The following GRID2 variants were observed in gnomAD, a reference collection of about 807,000 sequenced individuals.
The protein encoded by GRID2 is glutamate receptor ionotropic, delta-2.
Under a neutral mutation model 114.8 loss-of-function variants are expected in GRID2, and 33 were observed. The observed-to-expected ratio is 0.29, with a 90% confidence interval of 0.22 to 0.38. The LOEUF is 0.38. Ranked by LOEUF, GRID2 falls within the 10% of genes least tolerant of loss-of-function variation. The probability of loss-of-function intolerance (pLI) is 1.00; values close to 1 mark genes in which losing one functional copy is unlikely to be tolerated. For synonymous variants in GRID2, 505 were observed against 449.9 expected, an observed-to-expected ratio of 1.12 and a Z score of -1.55; for missense variants, 1,184 against 1,257.7, an observed-to-expected ratio of 0.94 and a Z score of 0.89.
chr4:93,468,238 G>C (rs1488058627), intron 11 of GRID2, among the ~76,000 whole-genome samples: 1 of 152,116 alleles, frequency 6.6e-6, no homozygotes, highest in Non-Finnish European at 1.5e-5. Context: ...TCATTCAACA[G>C]TTAGTGTATG....
chr4:92,669,380 T>G (rs1732941679), intron 2 of GRID2, among the ~76,000 whole-genome samples: 1 of 151,940 alleles, frequency 6.6e-6, no homozygotes, highest in Non-Finnish European at 1.5e-5. Context: ...TATAAAATTC[T>G]GTCAGCGTGG....
At chr4:93,103,542 T>C (rs1731900088) in intron 3 of GRID2, among the ~76,000 whole-genome samples, 1 of 152,080 alleles carries the variant, frequency 6.6e-6, no homozygotes, top group Admixed American at 6.6e-5. Flanking sequence ...AGCATGGAAA[T>C]GTTTATACCT....
rs1434129061 is a variant in GRID2 at position 92,384,513 on chromosome 4, A to AATAT, written c.88+79770_88+79773dup. ...TATAATAAAAATATATATTATATAT[A>AATAT]ATATTATATAATATAATATATAATA... On this transcript the variant is annotated intron_variant, in intron 1 of 15. Transcript: ENST00000282020. 6.4e-5 allele frequency among the ~76,000 whole-genome samples: 2 copies of AATAT among 31,278 alleles called. 1 individual carries two copies. The highest frequency in any genetic ancestry group is 1.0e-4 in the Non-Finnish European group (2 of 19,646). The allele number at this position is 31,278 out of a possible 152,430, so 20.5% of individuals were successfully genotyped here. A position where few individuals can be genotyped will look rare whatever the true frequency, so the allele number is the denominator to read the frequency against.
chr4:93,689,247 T>C (rs1227764579), intron 14 of GRID2, among the ~76,000 whole-genome samples: 3 of 152,008 alleles, frequency 2.0e-5, no homozygotes, highest in Non-Finnish European at 2.9e-5. Flanking sequence ...ACCCAGTCTG[T>C]GGTACTTTGT....
chr4:92,894,305 ATTT>A (rs1475905774), intron 2 of GRID2, among the ~76,000 whole-genome samples: 1 of 151,912 alleles, frequency 6.6e-6, no homozygotes. Flanking sequence ...TTTGCTTATT[ATTT>A]TTCAGTGACT....
At chr4:93,332,010 G>A (rs1397420735) in intron 8 of GRID2, among the ~76,000 whole-genome samples, 1 of 152,010 alleles carries the variant, frequency 6.6e-6, no homozygotes, top group Non-Finnish European at 1.5e-5. Context: ...CCCCTTCAGG[G>A]TGAAAGCTAA....
At chr4:93,770,662 A>T (rs1734033267) in intron 15 of GRID2, among the ~76,000 whole-genome samples, 1 of 152,204 alleles carries the variant, frequency 6.6e-6, no homozygotes. Context: ...TCTTTGTGGA[A>T]TAAGCTTCTG....
chr4:92,772,739 C>G (rs1031608223), intron 2 of GRID2, among the ~76,000 whole-genome samples: 16 of 152,114 alleles, frequency 1.1e-4, no homozygotes, highest in Non-Finnish European at 2.4e-4. Flanking sequence ...TCCATTTTCC[C>G]ACATTTTGCC....
chr4:93,720,740 G>C (rs1250694626), intron 14 of GRID2, among the ~76,000 whole-genome samples: 2 of 152,184 alleles, frequency 1.3e-5, no homozygotes, highest in African/African-American at 4.8e-5. Flanking sequence ...AAGGAGGAAA[G>C]TTTAATCACT....
At chr4:92,912,469 CAGAT>C (rs1304407040) in intron 2 of GRID2, among the ~76,000 whole-genome samples, 2 of 149,712 alleles carry the variant, frequency 1.3e-5, no homozygotes, top group Non-Finnish European at 3.0e-5. Context: ...TTTAGTTACA[CAGAT>C]AGTGTTTTGA....
intron 2 of GRID2, among the ~76,000 whole-genome samples, chr4:93,018,311 C>T (rs1257133450): frequency 6.7e-6 from 1 of 149,932 alleles, no homozygotes; most frequent in Non-Finnish European, 1.5e-5. Flanking sequence ...ATGGCATTTT[C>T]TTCTAGGTTT....
chr4:92,910,325 A>G (rs985355726), intron 2 of GRID2, among the ~76,000 whole-genome samples: 4 of 152,144 alleles, frequency 2.6e-5, no homozygotes, highest in Non-Finnish European at 2.9e-5. Context: ...CCTGCTGAGC[A>G]GATCTGAGGT....
intron 8 of GRID2, among the ~76,000 whole-genome samples, chr4:93,262,052 A>G (rs1750311197): frequency 6.6e-6 from 1 of 151,540 alleles, no homozygotes; most frequent in Admixed American, 6.6e-5. Flanking sequence ...ACTTGGAGAA[A>G]TAAAATATGT....
rs1283844469 is a variant in GRID2, at chr4:93,543,355, A to G, written c.2193+27944A>G. Reference sequence around the variant, plus strand: ...TTTTAAAAGCTGATTTTTAAAAAATAAATTTTTCTGAGTTGCCAACAGAGT... The same window carrying G: ...TTTTAAAAGCTGATTTTTAAAAAATGAATTTTTCTGAGTTGCCAACAGAGT... On this transcript the variant is annotated intron_variant, in intron 13 of 15. Transcript: ENST00000282020. 2.6e-5 allele frequency among the ~76,000 whole-genome samples: 4 copies of G among 152,332 alleles called. No homozygotes were observed. The South Asian group carries it at 6.2e-4, about 24-fold the overall frequency.
chr4:93,753,613 G>A (rs970087315), intron 14 of GRID2, among the ~76,000 whole-genome samples: 1 of 152,136 alleles, frequency 6.6e-6, no homozygotes, highest in Non-Finnish European at 1.5e-5. Context: ...CTGTCCTTGC[G>A]ATAGTTTGCT....
chr4:92,326,361 A>G (rs181663645), intron 1 of GRID2, among the ~76,000 whole-genome samples: 4 of 151,908 alleles, frequency 2.6e-5, no homozygotes, highest in Non-Finnish European at 4.4e-5. Context: ...TAGAATTATT[A>G]TTACTAAAAT....
At chr4:92,820,409 G>A (rs1741203119) in intron 2 of GRID2, among the ~76,000 whole-genome samples, 1 of 152,062 alleles carries the variant, frequency 6.6e-6, no homozygotes, top group African/African-American at 2.4e-5. Context: ...AGTTAAGATA[G>A]CAGAAACCTA....
At chr4:92,854,182 C>T (rs1467673894) in intron 2 of GRID2, among the ~76,000 whole-genome samples, 3 of 151,874 alleles carry the variant, frequency 2.0e-5, no homozygotes, top group Non-Finnish European at 4.4e-5. Context: ...TGCAAAAACT[C>T]AAATTTGAGA....
Position 93,399,650 on chromosome 4 carries a change from A to G in GRID2, c.1347+3942A>G, listed in dbSNP as rs376995442. Among the ~76,000 whole-genome samples, 15 of 152,250 alleles carry G rather than the reference A, an allele frequency of 9.9e-5. No homozygotes were observed. The East Asian group carries it at 2.9e-3, about 29-fold the overall frequency. ...CCATGGGAGAGAGACCATCACTCAT[A>G]GTAGTAGTGAGCTACAGTGCAGAAA... is the stretch of plus-strand genomic sequence containing the variant. On this transcript the variant is annotated intron_variant, in intron 9 of 15. Coordinates refer to ENST00000282020, the MANE Select transcript of GRID2 (RefSeq NM_001510.4).
Sources: allele counts gnomAD v4.1 joint callset (sites outside exome capture counted in the v4.1 genomes callset), GRCh38; gene constraint gnomAD v4.1.1; transcripts MANE v1.5; gene names NCBI Gene and HGNC (gene_info 2026-07-23, HGNC 2026-07-21).